The following MAML3 variants were observed in gnomAD, a reference collection of about 807,000 sequenced individuals.
MAML3 encodes mastermind-like protein 3.
A neutral mutation model predicts 101.9 loss-of-function variants in MAML3; 27 were observed. That is an observed-to-expected ratio of 0.27 (90% CI 0.20 to 0.37). The LOEUF is 0.37. Ranked by LOEUF, MAML3 falls within the 10% of genes least tolerant of loss-of-function variation. MAML3 has a pLI of 1.00. For missense variants in MAML3, 1,316 were observed against 1,444.9 expected (o/e 0.91, Z 1.45); for synonymous variants, 501 against 555.9 (o/e 0.90, Z 1.39).
chr4:139,905,248 T>C (rs1462944737), intron 1 of MAML3, among the ~76,000 whole-genome samples: 1 of 152,152 alleles, frequency 6.6e-6, no homozygotes, highest in Non-Finnish European at 1.5e-5. Flanking sequence ...ATCCCAGCAC[T>C]TTGGGAGGCT....
intron 1 of MAML3, among the ~76,000 whole-genome samples, chr4:140,049,132 G>T (rs1431415744): frequency 6.6e-6 from 1 of 152,056 alleles, no homozygotes; most frequent in African/African-American, 2.4e-5. Flanking sequence ...CACAAGAGAA[G>T]CTACCACTCC....
chr4:139,782,540 C>CTGAT (rs977939240), intron 2 of MAML3, among the ~76,000 whole-genome samples: 7 of 152,254 alleles, frequency 4.6e-5, no homozygotes, highest in Non-Finnish European at 7.4e-5. Flanking sequence ...AAAGTGTTAG[C>CTGAT]TGATATATAT....
chr4:139,963,275 TAAAC>T lies in MAML3; in HGVS notation c.469-72312_469-72309del, dbSNP rs546771979. On this transcript the variant is annotated intron_variant, in intron 1 of 4. Transcript: ENST00000509479. ...TGTCTTAACTAACTAACTAAATAAA[TAAAC>T]AAACACACAGACAAATCTCCTAGGG... is the stretch of plus-strand genomic sequence containing the variant. Among the ~76,000 whole-genome samples the T allele has an allele frequency of 1.2e-4, 18 of 152,234 alleles. No homozygotes were observed. In the East Asian group the frequency reaches 2.5e-3, roughly 21 times the overall value.
At chr4:139,881,100 C>T (rs527660434) in intron 2 of MAML3, among the ~76,000 whole-genome samples, 7 of 152,136 alleles carry the variant, frequency 4.6e-5, no homozygotes, top group Non-Finnish European at 8.8e-5. Context: ...ACTTAGGAAC[C>T]AGAGGCACCT....
At position 140,125,292 on chromosome 4, in the gene MAML3, G is replaced by A. The variant is rs927593802; in HGVS notation, c.468+27568C>T. The stretch of plus-strand genomic sequence containing the variant: ...ACAAAAAGTAATTTATTGGAGCCAG[G>A]TGCAGTGGTACATGCCTGTAGTCCC... On this transcript the variant is annotated intron_variant, in intron 1 of 4. Coordinates refer to ENST00000509479, the MANE Select transcript of MAML3 (RefSeq NM_018717.5). Among the ~76,000 whole-genome samples the A allele has an allele frequency of 1.3e-5, 2 of 152,214 alleles. 1 individual carries two copies. The highest frequency in any genetic ancestry group is 4.1e-4 in the South Asian group (2 of 4,822).
intron 2 of MAML3, among the ~76,000 whole-genome samples, chr4:139,876,398 T>C (rs1297394665): frequency 6.6e-6 from 1 of 152,318 alleles, no homozygotes; most frequent in East Asian, 1.9e-4. Context: ...AAGGGGCAAG[T>C]GTGTTTCCAA....
chr4:139,837,598 C>T (rs1304236269), intron 2 of MAML3, among the ~76,000 whole-genome samples: 5 of 152,080 alleles, frequency 3.3e-5, no homozygotes, highest in African/African-American at 4.8e-5. Flanking sequence ...GCACTTTCTC[C>T]TACATCACAG....
intron 1 of MAML3, among the ~76,000 whole-genome samples, chr4:139,920,459 C>T (rs1431495829): frequency 6.6e-6 from 1 of 152,164 alleles, no homozygotes; most frequent in African/African-American, 2.4e-5. Flanking sequence ...CCAAAATCCA[C>T]AGAAAGAACA....
intron 1 of MAML3, among the ~76,000 whole-genome samples, chr4:140,143,110 C>A (rs944320129): frequency 4.6e-5 from 7 of 152,208 alleles, no homozygotes; most frequent in Non-Finnish European, 7.3e-5. Context: ...AAAGTGTTTC[C>A]ATTTACATGT....
intron 2 of MAML3, among the ~76,000 whole-genome samples, chr4:139,883,108 G>T (rs1732250796): frequency 6.6e-6 from 1 of 152,122 alleles, no homozygotes; most frequent in Admixed American, 6.5e-5. Flanking sequence ...GATGGTGAAG[G>T]GTGATTGCAA....
chr4:139,955,543 C>T (rs953298963), intron 1 of MAML3, among the ~76,000 whole-genome samples: 9 of 152,160 alleles, frequency 5.9e-5, no homozygotes, highest in African/African-American at 2.2e-4. Flanking sequence ...GTGCTACTTA[C>T]ATTTGTTTTC....
At chr4:139,977,266 C>T (rs896112020) in intron 1 of MAML3, among the ~76,000 whole-genome samples, 1 of 150,040 alleles carries the variant, frequency 6.7e-6, no homozygotes, top group Non-Finnish European at 1.5e-5. Flanking sequence ...CCCAAATGGA[C>T]TAGGGATGCT....
intron 1 of MAML3, among the ~76,000 whole-genome samples, chr4:140,092,548 A>T (rs1317893875): frequency 2.0e-5 from 3 of 151,954 alleles, no homozygotes; most frequent in Non-Finnish European, 4.4e-5. Context: ...AGTAATTGTC[A>T]CTTAGCCACT....
chr4:139,972,917 C>T (rs1239035514), intron 1 of MAML3, among the ~76,000 whole-genome samples: 1 of 152,166 alleles, frequency 6.6e-6, no homozygotes, highest in Non-Finnish European at 1.5e-5. Context: ...ACACAGAATA[C>T]ATTACCTAGA....
At chr4:140,070,902 C>A (rs951356347) in intron 1 of MAML3, among the ~76,000 whole-genome samples, 3 of 152,302 alleles carry the variant, frequency 2.0e-5, no homozygotes, top group Non-Finnish European at 4.4e-5. Flanking sequence ...AGAGGGGAAC[C>A]TCCTCTGTGC....
rs115550527 is a variant in MAML3 at position 139,949,021 on chromosome 4, T to G, written c.469-58054A>C. Among the ~76,000 whole-genome samples, 998 of 152,176 alleles carry G rather than the reference T, an allele frequency of 6.6e-3. 10 individuals are homozygous for G. Among genetic ancestry groups the G allele is most frequent in the African/African-American group, 0.023 (949 of 41,502 alleles). On this transcript the variant is annotated intron_variant, in intron 1 of 4. Transcript: ENST00000509479. The stretch of plus-strand genomic sequence containing the variant: ...AGTGGTAGTAGAAATTTTTTTTTTC[T>G]TTTTTTGTTTTTTGAGACAGAGTCT...
chr4:139,986,045 T>C (rs1482758174), intron 1 of MAML3, among the ~76,000 whole-genome samples: 1 of 152,244 alleles, frequency 6.6e-6, no homozygotes, highest in African/African-American at 2.4e-5. Context: ...CCTCATTATG[T>C]TTCTTCCAGC....
At chr4:140,099,228 A>AAC (rs1560893091) in intron 1 of MAML3, among the ~76,000 whole-genome samples, 4 of 116,288 alleles carry the variant, frequency 3.4e-5, no homozygotes, top group African/African-American at 1.4e-4. Context: ...TTGGAAGTAT[A>AAC]TCACACACAC....
intron 1 of MAML3, among the ~76,000 whole-genome samples, chr4:140,015,945 G>A (rs9884782): frequency 1.3e-5 from 2 of 151,858 alleles, no homozygotes; most frequent in African/African-American, 4.8e-5. Context: ...AGAGCAAGAC[G>A]CCATCTCAAA....
Sources: gnomAD v4.1 joint callset for allele counts (sites outside exome capture counted in the v4.1 genomes callset) on GRCh38, gnomAD v4.1.1 for gene constraint, MANE v1.5 for transcripts, NCBI Gene and HGNC (gene_info 2026-07-23, HGNC 2026-07-21) for gene names.